WWOX: variants seen among roughly 807,000 people sequenced by gnomAD.
WWOX encodes the protein WW domain-containing oxidoreductase.
WWOX carries 69 observed loss-of-function variants against 46.2 expected under a neutral mutation model. That is an observed-to-expected ratio of 1.49 (90% CI 1.23 to 1.82). The LOEUF (loss-of-function observed/expected upper bound fraction) is 1.82. Among genes scored for constraint, WWOX ranks in the 40% most tolerant of loss-of-function variants. The probability of loss-of-function intolerance (pLI) is 0.00; values close to 1 mark genes in which losing one functional copy is unlikely to be tolerated. For missense variants in WWOX, 919 were observed against 542.6 expected, an observed-to-expected ratio of 1.69 and a Z score of -6.89; for synonymous variants, 359 against 202.6, an observed-to-expected ratio of 1.77 and a Z score of -6.56.
chr16:78,892,918 G>T (rs1465837999), intron 8 of WWOX, among the ~76,000 whole-genome samples: 1 of 152,176 alleles, frequency 6.6e-6, no homozygotes, highest in East Asian at 1.9e-4. Context: ...GTTACAAAGG[G>T]CAATGAAGGG....
chr16:78,515,539 G>A lies in WWOX; in HGVS notation c.1056+82787G>A, dbSNP rs28690066. On this transcript the variant is annotated intron_variant, in intron 8 of 8. Transcript: ENST00000566780. Reference sequence around the variant, plus strand: ...AGAAGAGGTAGGTGACTTGCATGTTGTCTATGAACGTTTTTAGAAACGTCT... The same window carrying A: ...AGAAGAGGTAGGTGACTTGCATGTTATCTATGAACGTTTTTAGAAACGTCT... Among the ~76,000 whole-genome samples the A allele has an allele frequency of 3.2e-3, 490 of 152,272 alleles. 2 individuals carry two copies. The highest frequency in any genetic ancestry group is 0.01 in the Middle Eastern group (3 of 294).
At chr16:78,984,723 C>T (rs939171075) in intron 8 of WWOX, among the ~76,000 whole-genome samples, 16 of 152,254 alleles carry the variant, frequency 1.1e-4, no homozygotes, top group African/African-American at 2.4e-4. Context: ...TTTGTAATAC[C>T]GTTTAGTTAG....
chr16:78,175,168 C>T (rs1392551571), intron 5 of WWOX, among the ~76,000 whole-genome samples: 1 of 152,148 alleles, frequency 6.6e-6, no homozygotes, highest in South Asian at 2.1e-4. Context: ...TGGCCTTCCA[C>T]AGGTTCTGGA....
At chr16:78,599,409 C>T (rs1219577390) in intron 8 of WWOX, among the ~76,000 whole-genome samples, 1 of 152,202 alleles carries the variant, frequency 6.6e-6, no homozygotes. Flanking sequence ...CTGCCCTGCC[C>T]CCGCCATAGC....
intron 8 of WWOX, among the ~76,000 whole-genome samples, chr16:79,039,536 G>T (rs1312439917): frequency 6.6e-6 from 1 of 152,172 alleles, no homozygotes; most frequent in East Asian, 1.9e-4. Context: ...GAATCCTTTT[G>T]CCCATGACTG....
At position 79,211,971 on chromosome 16, in the gene WWOX, CCTGGGGTAAAGTATCACTTTT is replaced by C. The variant is rs1567625829; in HGVS notation, c.*182_*202del. 3.3e-6 allele frequency: 5 copies of C among 1,532,756 alleles called. No homozygotes were observed. Among genetic ancestry groups the C allele is most frequent in the Middle Eastern group, 1.7e-4 (1 of 5,986 alleles). The allele number at this position is 1,532,756 out of a possible 1,614,324, so 94.9% of individuals were successfully genotyped here. On this transcript the variant is annotated 3_prime_UTR_variant, in exon 9 of 9. Transcript: ENST00000566780. ...AAGTACCAATGGGAAGCAGGGAATT[CCTGGGGTAAAGTATCACTTTT>C]CTGGGGCTGGGCTAGGCATAGGTCT...
At chr16:78,692,352 C>T (rs1411463170) in intron 8 of WWOX, among the ~76,000 whole-genome samples, 2 of 152,182 alleles carry the variant, frequency 1.3e-5, no homozygotes, top group Non-Finnish European at 2.9e-5. Flanking sequence ...CCATAGCTTC[C>T]TTACCAGTTC....
intron 8 of WWOX, among the ~76,000 whole-genome samples, chr16:78,640,539 T>A (rs1448495471): frequency 1.3e-5 from 2 of 152,086 alleles, no homozygotes; most frequent in Non-Finnish European, 2.9e-5. Flanking sequence ...GTGCTGAATA[T>A]GTAGGTGATA....
At chr16:79,067,614 G>A (rs1048463021) in intron 8 of WWOX, among the ~76,000 whole-genome samples, 1 of 124,570 alleles carries the variant, frequency 8.0e-6, no homozygotes, top group Non-Finnish European at 1.6e-5. Flanking sequence ...TTTTTAATTT[G>A]TGCGTGTGGG....
At chr16:78,412,029 C>T (rs1444566882) in intron 6 of WWOX, among the ~76,000 whole-genome samples, 1 of 152,146 alleles carries the variant, frequency 6.6e-6, no homozygotes, top group South Asian at 2.1e-4. Flanking sequence ...GATGACTTCC[C>T]AGATGTGAGG....
chr16:78,683,137 TC>T (rs2047769061), intron 8 of WWOX, among the ~76,000 whole-genome samples: 1 of 152,142 alleles, frequency 6.6e-6, no homozygotes. Context: ...ATTTCCAGTT[TC>T]CAAAAGAGCA....
At position 79,001,659 on chromosome 16, in the gene WWOX, A is replaced by G. The variant is rs1425769495; in HGVS notation, c.1057-209949A>G. On this transcript the variant is annotated intron_variant, in intron 8 of 8. Transcript: ENST00000566780. ...TATATTATGTGGGAAAAAAAAAAGGAGCTGGTGGCAGGGGGAGAGATTTCA... is the reference window on the plus strand; with the variant it reads ...TATATTATGTGGGAAAAAAAAAAGGGGCTGGTGGCAGGGGGAGAGATTTCA... 5.3e-5 allele frequency among the ~76,000 whole-genome samples: 8 copies of G among 150,084 alleles called. 1 individual carries two copies. The highest frequency in any genetic ancestry group is 8.9e-5 in the Non-Finnish European group (6 of 67,690).
At chr16:78,580,142 C>A (rs1442289610) in intron 8 of WWOX, among the ~76,000 whole-genome samples, 1 of 150,950 alleles carries the variant, frequency 6.6e-6, no homozygotes, top group Non-Finnish European at 1.5e-5. Context: ...GGTGCAATCT[C>A]GGCTCACTGC....
intron 8 of WWOX, among the ~76,000 whole-genome samples, chr16:79,021,359 C>T (rs2047529307): frequency 1.3e-5 from 2 of 152,140 alleles, no homozygotes; most frequent in South Asian, 2.1e-4. Context: ...GAATCATCAC[C>T]TGTTTTTGTG....
At chr16:78,819,062 C>G (rs1176355061) in intron 8 of WWOX, among the ~76,000 whole-genome samples, 1 of 152,230 alleles carries the variant, frequency 6.6e-6, no homozygotes, top group Non-Finnish European at 1.5e-5. Flanking sequence ...GCACTTAGCA[C>G]ATGAGCAGGC....
At chr16:79,035,271 C>G (rs1045098659) in intron 8 of WWOX, among the ~76,000 whole-genome samples, 2 of 152,200 alleles carry the variant, frequency 1.3e-5, no homozygotes, top group Non-Finnish European at 2.9e-5. Context: ...CCTGGCTCTA[C>G]TCCTGGAAAC....
At chr16:78,211,378 G>A (rs1392816964) in intron 5 of WWOX, among the ~76,000 whole-genome samples, 4 of 152,260 alleles carry the variant, frequency 2.6e-5, no homozygotes, top group Non-Finnish European at 4.4e-5. Context: ...AATACATGCT[G>A]TGGGCCTACT....
rs145844777 is a variant in WWOX at position 78,397,104 on chromosome 16, C to A, written c.605+10156C>A. On this transcript the variant is annotated intron_variant, in intron 6 of 8. Transcript: ENST00000566780. The stretch of plus-strand genomic sequence containing the variant: ...GTTGTGTGCATAGTTAATTTCAATT[C>A]TTTGAAGAAACTCCCCCATGATATT... 1.8e-3 allele frequency among the ~76,000 whole-genome samples: 280 copies of A among 152,234 alleles called. 1 individual carries two copies. The highest frequency in any genetic ancestry group is 6.3e-3 in the African/African-American group (263 of 41,536).
intron 8 of WWOX, among the ~76,000 whole-genome samples, chr16:78,805,201 G>C (rs1273707860): frequency 6.6e-6 from 1 of 152,182 alleles, no homozygotes; most frequent in African/African-American, 2.4e-5. Flanking sequence ...GTATTTGAGA[G>C]AGACCTGATG....
Sources: allele counts gnomAD v4.1 joint callset (sites outside exome capture counted in the v4.1 genomes callset), GRCh38; gene constraint gnomAD v4.1.1; transcripts MANE v1.5; gene names NCBI Gene and HGNC (gene_info 2026-07-23, HGNC 2026-07-21).